Variants in DLAT observed in about 807,000 individuals in gnomAD.
The protein encoded by DLAT is dihydrolipoyllysine-residue acetyltransferase component of pyruvate dehydrogenase complex, mitochondrial.
Under a neutral mutation model 68.0 loss-of-function variants are expected in DLAT, and 43 were observed. The ratio of observed to expected loss-of-function variants is 0.63; its 90% CI spans 0.50 to 0.81. The LOEUF (loss-of-function observed/expected upper bound fraction) is 0.81. DLAT is among the 40% of genes least tolerant of loss of function. DLAT has a pLI of 0.00. For synonymous variants in DLAT, 265 were observed against 288.6 expected (o/e 0.92, Z 0.83); for missense variants, 745 against 815.4 (o/e 0.91, Z 1.05).
intron 12 of DLAT, among the ~76,000 whole-genome samples, chr11:112,060,834 G>T (rs181272448): frequency 1.3e-5 from 2 of 152,236 alleles, no homozygotes; most frequent in Admixed American, 6.5e-5. Flanking sequence ...TCCAAAAGAA[G>T]ATATTGTTTG....
chr11:112,062,662 T>G lies in DLAT; in HGVS notation c.*127T>G. ...ATTTTTATTATTGAGTCTGTCCAGA[T>G]AAGTTATTTATAATGGGCATTACTG... On this transcript the variant is annotated 3_prime_UTR_variant, in exon 14 of 14. Coordinates refer to ENST00000280346, the MANE Select transcript of DLAT (RefSeq NM_001931.5). 2.6e-6 allele frequency: 3 copies of G among 1,140,436 alleles called. No homozygotes were observed. Among genetic ancestry groups the G allele is most frequent in the Non-Finnish European group, 3.8e-6 (3 of 796,212 alleles). 70.6% of individuals were successfully genotyped at this position (1,140,436 alleles called of 1,614,324 possible).
chr11:112,031,837 A>G (rs933396333), intron 4 of DLAT, among the ~76,000 whole-genome samples: 5 of 131,870 alleles, frequency 3.8e-5, no homozygotes, highest in African/African-American at 1.5e-4. Context: ...GCATCAGCCT[A>G]CCAAAATGCT....
At chr11:112,061,208 A>C in intron 13 of DLAT, 34 bp downstream of exon 13, 2 of 1,612,726 alleles carry the variant, frequency 1.2e-6, no homozygotes, top group Non-Finnish European at 1.7e-6. Context: ...GTCGTAAGCT[A>C]ATTTTTATTA....
intron 11 of DLAT, among the ~76,000 whole-genome samples, chr11:112,052,615 A>G (rs1555182117): frequency 6.6e-6 from 1 of 151,930 alleles, no homozygotes; most frequent in Non-Finnish European, 1.5e-5. Flanking sequence ...TGGGCATACC[A>G]CCCTTCCAGC....
intron 4 of DLAT, among the ~76,000 whole-genome samples, chr11:112,031,885 G>GTTT (rs55866523): frequency 2.2e-5 from 1 of 45,352 alleles, no homozygotes; most frequent in African/African-American, 9.2e-5. Context: ...GGTCTTTCCT[G>GTTT]TTTTTTTTTT....
At chr11:112,041,680 G>A (rs1555181013) in intron 7 of DLAT, among the ~76,000 whole-genome samples, 1 of 152,140 alleles carries the variant, frequency 6.6e-6, no homozygotes, top group Non-Finnish European at 1.5e-5. Flanking sequence ...AGGAGATGGA[G>A]ACCATCCTGG....
At position 112,025,682 on chromosome 11, in the gene DLAT, G is replaced by C. The variant is rs782739576; in HGVS notation, c.210G>C (p.Arg70=). The C allele has an allele frequency of 2.5e-6, 4 of 1,613,130 alleles. No homozygotes were observed. The highest frequency in any genetic ancestry group is 3.4e-6 in the Non-Finnish European group (4 of 1,180,002). The stretch of plus-strand genomic sequence containing the variant: ...CCCCCAGTTCTGGGGCCACGCCGCG[G>C]AACCGCTTACTGCTGCAGCTTTTGG... ...GWTPSSGATP[R]NRLLLQLLGS... Residue 70 remains arginine (R), a synonymous_variant, in exon 1 of 14, where the codon CGG becomes CGC. Coordinates refer to ENST00000280346, the MANE Select transcript of DLAT (RefSeq NM_001931.5).
chr11:112,052,141 A>C (rs1555182048), intron 11 of DLAT, among the ~76,000 whole-genome samples: 3 of 152,166 alleles, frequency 2.0e-5, no homozygotes, highest in Non-Finnish European at 1.5e-5. Context: ...TTCTGAAAGG[A>C]AAAAAACAAA....
In DLAT at chr11:112,033,539, T is replaced by C; in HGVS notation, c.787+9T>C. The C allele has an allele frequency of 1.2e-6, 2 of 1,613,446 alleles. No individual in the cohort carries two copies. Among genetic ancestry groups the C allele is most frequent in the Non-Finnish European group, 1.7e-6 (2 of 1,179,646 alleles). On this transcript the variant is annotated intron_variant, in intron 5 of 13. Coordinates refer to ENST00000280346, the MANE Select transcript of DLAT (RefSeq NM_001931.5). ...TGACAAAGCCACTATAGGTGAGATTTCTTCAGCTCTTAATGGTTGAGGCAC... is the reference window on the plus strand; with the variant it reads ...TGACAAAGCCACTATAGGTGAGATTCCTTCAGCTCTTAATGGTTGAGGCAC...
intron 10 of DLAT, among the ~76,000 whole-genome samples, chr11:112,047,082 A>G (rs1383664057): frequency 6.6e-6 from 1 of 152,194 alleles, no homozygotes; most frequent in Non-Finnish European, 1.5e-5. Flanking sequence ...TTACACTCCT[A>G]CCAACAGTGT....
intron 9 of DLAT, 36 bp from the exon 10 acceptor site, chr11:112,045,822 TAACTC>T (rs1329062327): frequency 3.8e-6 from 5 of 1,318,954 alleles, no homozygotes; most frequent in Non-Finnish European, 5.5e-6. Flanking sequence ...GTTAAGGTCT[TAACTC>T]AAGATAATTG....
intron 7 of DLAT, among the ~76,000 whole-genome samples, chr11:112,040,438 AC>A (rs1348245645): frequency 6.6e-6 from 1 of 151,960 alleles, no homozygotes; most frequent in African/African-American, 2.4e-5. Flanking sequence ...GATTTGTTTA[AC>A]TCTAAAGCCT....
chr11:112,025,802 T>G (rs1555179188), intron 1 of DLAT, 51 bp downstream of exon 1: 4 of 1,606,686 alleles, frequency 2.5e-6, no homozygotes, highest in Non-Finnish European at 3.4e-6. Flanking sequence ...CAGAGCTGAC[T>G]GGATGCCTGC....
intron 7 of DLAT, among the ~76,000 whole-genome samples, chr11:112,042,456 G>A (rs79412892): frequency 4.5e-4 from 69 of 152,270 alleles, no homozygotes; most frequent in African/African-American, 1.6e-3. Context: ...TCCTAGTGAG[G>A]ATAAATACAA....
chr11:112,025,573 T>C lies in DLAT; in HGVS notation c.101T>C (p.Val34Ala), dbSNP rs1173195691. ...ALQEVPGTPR[V>A]TSRSGPAPAR... ...CAGGAGGTACCCGGAACTCCACGAGTGACCTCGCGATCTGGCCCGGCTCCC... is the reference window on the plus strand; with the variant it reads ...CAGGAGGTACCCGGAACTCCACGAGCGACCTCGCGATCTGGCCCGGCTCCC... Residue 34 changes from valine to alanine, a missense_variant, in exon 1 of 14, where the codon GTG becomes GCG. By Grantham distance (64) the Val-to-Ala change is moderately conservative. Coordinates refer to ENST00000280346, the MANE Select transcript of DLAT (RefSeq NM_001931.5). The C allele has an allele frequency of 4.3e-6, 7 of 1,613,748 alleles. No homozygotes were observed. The highest frequency in any genetic ancestry group is 5.9e-6 in the Non-Finnish European group (7 of 1,179,964).
At chr11:112,046,676 C>T (rs1485190435) in intron 10 of DLAT, among the ~76,000 whole-genome samples, 4 of 150,920 alleles carry the variant, frequency 2.7e-5, no homozygotes, top group Non-Finnish European at 4.4e-5. Context: ...TCCATGTGTT[C>T]TCATTGTTCA....
chr11:112,057,329 C>T (rs4937001), intron 11 of DLAT, among the ~76,000 whole-genome samples: 4,493 of 152,214 alleles, frequency 0.03, 86 homozygotes, highest in Non-Finnish European at 0.04. Context: ...AAGACTTTCA[C>T]GTCTCTTACT....
Position 112,059,908 on chromosome 11 carries a change from ATGT to A in DLAT, c.1526_1528del (p.Val509del). ...TTATTTTTCTTTTTAAACAGAAATCATGTTGTTGATGTCAGTGTTGCGGTCAGT... is the reference window on the plus strand; with the variant it reads ...TTATTTTTCTTTTTAAACAGAAATCATGTTGATGTCAGTGTTGCGGTCAGT... On this transcript the variant is annotated inframe_deletion, in exon 12 of 14. Transcript: ENST00000280346. 6.2e-7 allele frequency: 1 copy of A among 1,605,478 alleles called. No individual in the cohort carries two copies. Among genetic ancestry groups the A allele is most frequent in the Non-Finnish European group, 8.5e-7 (1 of 1,175,720 alleles).
At chr11:112,060,803 A>G (rs587694496) in intron 12 of DLAT, among the ~76,000 whole-genome samples, 1 of 152,304 alleles carries the variant, frequency 6.6e-6, no homozygotes, top group African/African-American at 2.4e-5. Context: ...TTCTGAAAAT[A>G]AAGTAAAATT....
Sources: gnomAD v4.1 joint callset for allele counts (sites outside exome capture counted in the v4.1 genomes callset) on GRCh38, gnomAD v4.1.1 for gene constraint, MANE v1.5 for transcripts, NCBI Gene and HGNC (gene_info 2026-07-23, HGNC 2026-07-21) for gene names.